HNRNPK: variants seen among roughly 807,000 people sequenced by gnomAD.
HNRNPK encodes the protein heterogeneous nuclear ribonucleoprotein K.
Under a neutral mutation model 67.0 loss-of-function variants are expected in HNRNPK, and 7 were observed. That is an observed-to-expected ratio of 0.10 (90% CI 0.06 to 0.20). HNRNPK has a LOEUF of 0.20. Ranked by LOEUF, HNRNPK falls within the 10% of genes least tolerant of loss-of-function variation. The probability of loss-of-function intolerance (pLI) is 1.00; values close to 1 mark genes in which losing one functional copy is unlikely to be tolerated. For missense variants in HNRNPK, 264 were observed against 606.5 expected (o/e 0.44, Z 5.93); for synonymous variants, 213 against 193.7 (o/e 1.10, Z -0.83).
At chr9:83,978,090 G>T in intron 3 of HNRNPK, 105 bp downstream of exon 3, 1 of 748,210 alleles carries the variant, frequency 1.3e-6, no homozygotes. Flanking sequence ...TACATAAACA[G>T]TAATACCAAA....
rs1195100544 is a variant in HNRNPK at position 83,973,386 on chromosome 9, T to C, written c.416A>G (p.Lys139Arg). 1 of 1,596,460 alleles carries C rather than the reference T, an allele frequency of 6.3e-7. No homozygotes were observed. The highest frequency in any genetic ancestry group is 8.6e-7 in the Non-Finnish European group (1 of 1,163,916). The part of the protein sequence containing the change: ...AVECLNYQHY[K>R]GSDFDCELRL... ...CAACTCGCAGTCAAAGTCACTTCCTTTATAGTGTTGGTACTGTGGAGGGAG... is the reference window on the plus strand; with the variant it reads ...CAACTCGCAGTCAAAGTCACTTCCTCTATAGTGTTGGTACTGTGGAGGGAG... The change falls in exon 9 of 17, where the codon AAA becomes AGA. Residue 139 changes from lysine (K) to arginine (R), a missense_variant. Lys to Arg is a conservative substitution (Grantham distance 26). Around this residue, in one of 6 missense-constraint regions of HNRNPK, gnomAD observed 18 missense variants for 84.5 expected, o/e 0.21. Transcript: ENST00000376263.
chr9:83,977,903 G>A, intron 3 of HNRNPK, 117 bp from the exon 4 acceptor site: 3 of 663,220 alleles, frequency 4.5e-6, no homozygotes, highest in African/African-American at 3.7e-5. Flanking sequence ...CAAAGGCATT[G>A]CTACAGACTT....
intron 16 of HNRNPK, chr9:83,969,707 A>G (rs756567021): frequency 1.6e-5 from 10 of 621,372 alleles, no homozygotes; most frequent in Admixed American, 1.3e-4. Flanking sequence ...GAATGCTAGT[A>G]AGGTGTGAAA....
upstream of HNRNPK, chr9:83,980,608 CCTT>C (rs1182803845): frequency 4.6e-5 from 7 of 153,180 alleles, no homozygotes; most frequent in Admixed American, 4.6e-4. Context: ...GCGCCCTCCT[CCTT>C]TCTCGTTCGC....
At chr9:83,976,782 G>A in intron 5 of HNRNPK, 1 of 401,326 alleles carries the variant, frequency 2.5e-6, no homozygotes, top group East Asian at 3.6e-5. Context: ...AAAATGTGAA[G>A]AGGTTTGAAA....
Position 83,973,933 on chromosome 9 carries a change from G to A in HNRNPK, c.371C>T (p.Pro124Leu). 1.9e-6 allele frequency: 3 copies of A among 1,613,838 alleles called. No homozygotes were observed. The highest frequency in any genetic ancestry group is 1.7e-6 in the Non-Finnish European group (2 of 1,179,824). Residue 124 changes from proline (P) to leucine (L), a missense_variant, in exon 8 of 17, where the codon CCG (proline) becomes CTG (leucine). Coordinates refer to ENST00000376263, the MANE Select transcript of HNRNPK (RefSeq NM_031263.4). The stretch of plus-strand genomic sequence containing the variant: ...GCATTCCACAGCATCAGATTCGAGC[G>A]GGAGCTGGCTGGTTGCAGTGGGTGA... ...LPSPTATSQL[P>L]LESDAVECLN...
At chr9:83,979,906 G>A (rs1328917483) in intron 1 of HNRNPK, among the ~76,000 whole-genome samples, 4 of 152,176 alleles carry the variant, frequency 2.6e-5, no homozygotes, top group Non-Finnish European at 4.4e-5. Context: ...CTAGTTCCCA[G>A]TGCCACATAG....
intron 12 of HNRNPK, 39 bp from the exon 13 acceptor site, chr9:83,971,395 A>G (rs755418946): frequency 1.5e-5 from 20 of 1,377,222 alleles, no homozygotes; most frequent in African/African-American, 1.4e-5. Context: ...CCCGCATTGT[A>G]TTTTGTTATA....
In HNRNPK at chr9:83,972,156, G is replaced by C. The variant is rs1956875097; in HGVS notation, c.679C>G (p.Pro227Ala). ...PIKGRAQPYDPNFYDETYDYG... is the reference protein window; with the variant it reads ...PIKGRAQPYDANFYDETYDYG... ...TCATAGGTTTCATCGTAAAAATTGG[G>C]ATCATAAGGCTGTGCACGTCCTTTG... Residue 227 changes from proline to alanine, a missense_variant, in exon 11 of 17, where the codon CCC (proline) becomes GCC (alanine). By Grantham distance (27) the Pro-to-Ala change is conservative (BLOSUM62 -1). Transcript: ENST00000376263. 1 of 1,612,544 alleles carries C rather than the reference G, an allele frequency of 6.2e-7. No individual in the cohort carries two copies. Among genetic ancestry groups the C allele is most frequent in the Non-Finnish European group, 8.5e-7 (1 of 1,179,192 alleles).
At chr9:83,971,806 T>C (rs1386890491) in intron 11 of HNRNPK, 76 bp downstream of exon 11, 21 of 1,591,734 alleles carry the variant, frequency 1.3e-5, no homozygotes, top group Non-Finnish European at 1.8e-5. Context: ...TGTCTACCAC[T>C]AAGTGCAGCC....
At chr9:83,973,663 A>G (rs1956952041) in intron 8 of HNRNPK, among the ~76,000 whole-genome samples, 1 of 152,226 alleles carries the variant, frequency 6.6e-6, no homozygotes, top group African/African-American at 2.4e-5. Flanking sequence ...TGTTACCACA[A>G]AATTATTATT....
At chr9:83,977,646 T>A in intron 4 of HNRNPK, 43 bp downstream of exon 4, 4 of 1,167,086 alleles carry the variant, frequency 3.4e-6, no homozygotes, top group Non-Finnish European at 3.8e-6. Context: ...AATTTCTACC[T>A]GAGTATGAAC....
Position 83,973,402 on chromosome 9 carries a change from G to A in HNRNPK, c.403-3C>T, listed in dbSNP as rs747480381. ...TCACTTCCTTTATAGTGTTGGTACT[G>A]TGGAGGGAGAATTATAAAATTTTAG... On this transcript the variant is annotated splice_region_variant and splice_polypyrimidine_tract_variant and intron_variant, in intron 8 of 16. Coordinates refer to ENST00000376263, the MANE Select transcript of HNRNPK (RefSeq NM_031263.4). 9.9e-6 allele frequency: 15 copies of A among 1,522,030 alleles called. No homozygotes were observed. The highest frequency in any genetic ancestry group is 5.5e-5 in the African/African-American group (4 of 73,038). The allele number at this position is 1,522,030 out of a possible 1,614,324, so 94.3% of individuals were successfully genotyped here. A position where few individuals can be genotyped will look rare whatever the true frequency, so the allele number is the denominator to read the frequency against.
chr9:83,970,084 A>G lies in HNRNPK; in HGVS notation c.1361+78T>C, dbSNP rs142885517. ...GTTGAGACACCATGGCTTCTAAAAG[A>G]AAAAAATCAATTGAGAAGAAAAGCT... On this transcript the variant is annotated intron_variant, in intron 16 of 16. Transcript: ENST00000376263. The G allele has an allele frequency of 2.6e-5, 32 of 1,250,700 alleles. 1 individual carries two copies. The South Asian group carries it at 2.7e-4, about 10-fold the overall frequency. 77.5% of individuals were successfully genotyped at this position (1,250,700 alleles called of 1,614,324 possible). A position where few individuals can be genotyped will look rare whatever the true frequency, so the allele number is the denominator to read the frequency against.
chr9:83,971,886 C>G lies in HNRNPK; in HGVS notation c.949G>C (p.Gly317Arg). ...ACAACAAAAAAAACAACTTACCCCC[C>G]TCTAGGTGGTGGTGGTGGAGGAAGA... Reference protein sequence around the residue: ...LPLPPPPPPRGGDLMAYDRRG... With the variant: ...LPLPPPPPPRRGDLMAYDRRG... Residue 317 changes from glycine to arginine, a missense_variant, in exon 11 of 17, where the codon GGG becomes CGG. By Grantham distance (125) the Gly-to-Arg change is moderately radical. Around this residue, in one of 6 missense-constraint regions of HNRNPK, gnomAD observed 142 missense variants for 256.5 expected, o/e 0.55. Transcript: ENST00000376263. The G allele has an allele frequency of 6.4e-7, 1 of 1,557,828 alleles. No homozygotes were observed. Among genetic ancestry groups the G allele is most frequent in the Non-Finnish European group, 8.7e-7 (1 of 1,153,508 alleles).
rs750397628 is a variant in HNRNPK at position 83,972,205 on chromosome 9, G to A, written c.646-16C>T. On this transcript the variant is annotated splice_polypyrimidine_tract_variant and intron_variant, in intron 10 of 16. Transcript: ENST00000376263. The stretch of plus-strand genomic sequence containing the variant: ...TGATGGGAGACTAAAAACAGAGATG[G>A]AACAAACTTACAGACTGAAGAAAAA... The A allele has an allele frequency of 6.4e-7, 1 of 1,561,240 alleles. No individual in the cohort carries two copies. Among genetic ancestry groups the A allele is most frequent in the Non-Finnish European group, 8.7e-7 (1 of 1,150,894 alleles).
rs1284531734 is a variant in HNRNPK, at chr9:83,968,635, G to T, written c.*772C>A. On this transcript the variant is annotated 3_prime_UTR_variant, in exon 17 of 17. Coordinates refer to ENST00000376263, the MANE Select transcript of HNRNPK (RefSeq NM_031263.4). ...ACATAGAAAATTGTTGAAAAGTAGGGGCAAGCATTTGCAAAAACAAACAAA... is the reference window on the plus strand; with the variant it reads ...ACATAGAAAATTGTTGAAAAGTAGGTGCAAGCATTTGCAAAAACAAACAAA... 1 of 152,364 alleles carries T rather than the reference G, an allele frequency of 6.6e-6. No individual in the cohort carries two copies. Among genetic ancestry groups the T allele is most frequent in the African/African-American group, 2.4e-5 (1 of 41,348 alleles). 9.4% of individuals were successfully genotyped at this position (152,364 alleles called of 1,614,324 possible). A position where few individuals can be genotyped will look rare whatever the true frequency, so the allele number is the denominator to read the frequency against.
Position 83,970,142 on chromosome 9 carries a change from A to C in HNRNPK, c.1361+20T>G. ...GGTTTTAGTATGTATAAGCTAACAC[A>C]AAGCTAAACTTAAACTGACCTGTTC... is the stretch of plus-strand genomic sequence containing the variant. On this transcript the variant is annotated intron_variant, in intron 16 of 16. Transcript: ENST00000376263. 1 of 1,593,274 alleles carries C rather than the reference A, an allele frequency of 6.3e-7. No individual in the cohort carries two copies.
chr9:83,973,533 T>C, intron 8 of HNRNPK, 134 bp from the exon 9 acceptor site: 1 of 636,692 alleles, frequency 1.6e-6, no homozygotes. Context: ...CTTTACCAGT[T>C]ATGTGCTTAT....
Sources: gnomAD v4.1 joint callset for allele counts (sites outside exome capture counted in the v4.1 genomes callset) on GRCh38, gnomAD v4.1.1 for gene constraint, gnomAD v4.1.1 regional missense constraint, MANE v1.5 for transcripts, NCBI Gene and HGNC (gene_info 2026-07-23, HGNC 2026-07-21) for gene names.